PPM1B: variants seen among roughly 807,000 people sequenced by gnomAD.
PPM1B encodes the protein protein phosphatase, Mg2+/Mn2+ dependent 1B.
A neutral mutation model predicts 43.0 loss-of-function variants in PPM1B; 22 were observed. That is an observed-to-expected ratio of 0.51 (90% confidence interval 0.37 to 0.73). The LOEUF (loss-of-function observed/expected upper bound fraction) is 0.73. Ranked by LOEUF, PPM1B falls within the 30% of genes least tolerant of loss-of-function variation. The pLI, the probability that PPM1B is intolerant of heterozygous loss-of-function variation, is 0.00. For synonymous variants in PPM1B, 217 were observed against 197.9 expected (o/e 1.10, Z -0.81); for missense variants, 632 against 584.2 (o/e 1.08, Z -0.84).
intron 1 of PPM1B, among the ~76,000 whole-genome samples, chr2:44,196,076 C>T (rs1668648058): frequency 6.6e-6 from 1 of 152,208 alleles, no homozygotes. Flanking sequence ...TGAACCCTTA[C>T]AATTAATGAG....
At chr2:44,178,057 A>G (rs919945869) in intron 1 of PPM1B, among the ~76,000 whole-genome samples, 1 of 151,594 alleles carries the variant, frequency 6.6e-6, no homozygotes, top group African/African-American at 2.4e-5. Context: ...ACCTGGAACT[A>G]CAGGCGTGCA....
At chr2:44,182,479 T>C (rs1005904151) in intron 1 of PPM1B, among the ~76,000 whole-genome samples, 5 of 152,152 alleles carry the variant, frequency 3.3e-5, no homozygotes, top group African/African-American at 1.2e-4. Context: ...CAGGCTGGTC[T>C]CAAACTCCCC....
intron 5 of PPM1B, among the ~76,000 whole-genome samples, chr2:44,225,869 T>G (rs561333259): frequency 6.6e-6 from 1 of 152,006 alleles, no homozygotes; most frequent in Non-Finnish European, 1.5e-5. Context: ...TTGATCAGGC[T>G]AGTCTCAAAC....
chr2:44,177,975 T>C (rs1195902555), intron 1 of PPM1B, among the ~76,000 whole-genome samples: 1 of 150,816 alleles, frequency 6.6e-6, no homozygotes, highest in Non-Finnish European at 1.5e-5. Flanking sequence ...AAGAGTGCAG[T>C]GGCTCAATCT....
At chr2:44,174,544 C>G (rs931759010) in intron 1 of PPM1B, among the ~76,000 whole-genome samples, 3 of 152,132 alleles carry the variant, frequency 2.0e-5, no homozygotes, top group Non-Finnish European at 4.4e-5. Flanking sequence ...TTATAGAAAA[C>G]TTTTAAAATG....
At chr2:44,229,057 C>G (rs903259299) in intron 5 of PPM1B, among the ~76,000 whole-genome samples, 3 of 151,848 alleles carry the variant, frequency 2.0e-5, no homozygotes, top group Admixed American at 6.6e-5. Context: ...TGTCACATGC[C>G]TGTAATCCCA....
At chr2:44,244,531 G>C (rs1670815664), downstream of PPM1B, 1 of 407,958 alleles carries the variant, frequency 2.5e-6, no homozygotes, top group Non-Finnish European at 3.7e-6. Context: ...TTTGATTCCA[G>C]GGACTCTTAT....
chr2:44,194,728 AAAG>A (rs906161810), intron 1 of PPM1B, among the ~76,000 whole-genome samples: 4 of 151,500 alleles, frequency 2.6e-5, no homozygotes, highest in African/African-American at 9.7e-5. Context: ...ATCTCAAAAA[AAAG>A]AAGAAGGCTG....
intron 2 of PPM1B, among the ~76,000 whole-genome samples, chr2:44,207,720 C>G (rs1018125530): frequency 1.3e-5 from 2 of 151,532 alleles, no homozygotes; most frequent in African/African-American, 2.4e-5. Context: ...GGACCTGGGA[C>G]TACAGGTGTG....
intron 5 of PPM1B, among the ~76,000 whole-genome samples, chr2:44,220,445 G>C (rs1669926821): frequency 6.6e-6 from 1 of 152,052 alleles, no homozygotes; most frequent in Admixed American, 6.6e-5. Flanking sequence ...CTATGAAACT[G>C]GGGGGAAATG....
chr2:44,195,036 C>T (rs148335708), intron 1 of PPM1B, among the ~76,000 whole-genome samples: 3 of 151,544 alleles, frequency 2.0e-5, no homozygotes, highest in East Asian at 2.0e-4. Flanking sequence ...GGATGACAGG[C>T]GCTTGCCACC....
At chr2:44,223,859 A>G (rs377651993) in intron 5 of PPM1B, among the ~76,000 whole-genome samples, 1 of 148,190 alleles carries the variant, frequency 6.7e-6, no homozygotes, top group Non-Finnish European at 1.5e-5. Context: ...GAGAGAGAGA[A>G]AATGCACTAA....
intron 5 of PPM1B, among the ~76,000 whole-genome samples, chr2:44,227,766 C>A (rs555237984): frequency 7.2e-5 from 11 of 151,760 alleles, no homozygotes; most frequent in African/African-American, 2.7e-4. Context: ...GTGATCCACC[C>A]ATCTCAGCCT....
intron 5 of PPM1B, among the ~76,000 whole-genome samples, chr2:44,229,529 T>C (rs1427162100): frequency 6.6e-6 from 1 of 152,214 alleles, no homozygotes; most frequent in African/African-American, 2.4e-5. Flanking sequence ...TGAATTCATA[T>C]GATTGTTTTC....
intron 5 of PPM1B, among the ~76,000 whole-genome samples, chr2:44,240,130 C>T (rs1207080500): frequency 6.9e-6 from 1 of 145,740 alleles, no homozygotes; most frequent in East Asian, 2.0e-4. Flanking sequence ...GCCTCGGCCT[C>T]CCAAAGTACT....
chr2:44,225,364 TAAAG>T (rs1181631808), intron 5 of PPM1B, among the ~76,000 whole-genome samples: 7 of 152,166 alleles, frequency 4.6e-5, no homozygotes, highest in Admixed American at 1.3e-4. Flanking sequence ...CGAGTTCAGA[TAAAG>T]AAAGTGCAGG....
rs138005133 is a variant in PPM1B at position 44,244,034 on chromosome 2, T to C, written n.1547-194T>C. ...CAGTTTTGTAATTTTCTCCATATGA[T>C]CTACACCGTTCTTAAATTAATTCCT... On this transcript the variant is annotated intron_variant and non_coding_transcript_variant, in intron 5 of 5. Coordinates refer to the PPM1B transcript ENST00000378540. 2.7e-3 allele frequency among the ~76,000 whole-genome samples: 410 copies of C among 152,270 alleles called. 3 individuals are homozygous for C. The highest frequency in any genetic ancestry group is 9.3e-3 in the African/African-American group (386 of 41,552).
chr2:44,215,237 G>T (rs1669666995), intron 3 of PPM1B, among the ~76,000 whole-genome samples: 1 of 152,158 alleles, frequency 6.6e-6, no homozygotes, highest in South Asian at 2.1e-4. Flanking sequence ...GGATGCCGAG[G>T]CAGAAGGATT....
At chr2:44,193,968 A>C (rs1668532557) in intron 1 of PPM1B, among the ~76,000 whole-genome samples, 1 of 151,510 alleles carries the variant, frequency 6.6e-6, no homozygotes, top group South Asian at 2.1e-4. Flanking sequence ...CCTACCTTGA[A>C]CTCCCAAAGC....
Sources: gnomAD v4.1 joint callset for allele counts (sites outside exome capture counted in the v4.1 genomes callset) on GRCh38, gnomAD v4.1.1 for gene constraint, MANE v1.5 for transcripts, NCBI Gene and HGNC (gene_info 2026-07-23, HGNC 2026-07-21) for gene names.